The following SSBP2 variants were observed in gnomAD, a reference collection of about 807,000 sequenced individuals.
The protein encoded by SSBP2 is single-stranded DNA-binding protein 2.
A neutral mutation model predicts 61.8 loss-of-function variants in SSBP2; 17 were observed. The observed-to-expected ratio is 0.28, with a 90% CI of 0.19 to 0.41. The LOEUF (loss-of-function observed/expected upper bound fraction) is 0.41, where lower values mean the gene tolerates loss of function less well. Among genes scored for constraint, SSBP2 ranks in the 10% least tolerant of loss-of-function variants. The pLI is 1.00. For synonymous variants in SSBP2, 139 were observed against 141.3 expected (o/e 0.98, Z 0.12); for missense variants, 310 against 458.7 (o/e 0.68, Z 2.96).
chr5:81,657,433 A>T (rs1750323391), intron 1 of SSBP2, among the ~76,000 whole-genome samples: 1 of 152,254 alleles, frequency 6.6e-6, no homozygotes. Context: ...GCTAAAATTA[A>T]AACTCCCCAA....
At chr5:81,558,314 T>C (rs1319151025) in intron 4 of SSBP2, among the ~76,000 whole-genome samples, 1 of 152,210 alleles carries the variant, frequency 6.6e-6, no homozygotes, top group East Asian at 1.9e-4. Context: ...AAACATTTAT[T>C]TCTGTCAGTT....
rs529191300 is a variant in SSBP2 at position 81,590,650 on chromosome 5, T to C, written c.282+24823A>G. Among the ~76,000 whole-genome samples, 5 of 152,344 alleles carry C rather than the reference T, an allele frequency of 3.3e-5. 1 individual carries two copies. Among genetic ancestry groups the C allele is most frequent in the African/African-American group, 7.2e-5 (3 of 41,574 alleles). ...CTCACAAGGTGCTCACAAGAAAAAC[T>C]GTTGGACAACAAGAGACTGGAGAGC... On this transcript the variant is annotated intron_variant, in intron 4 of 16. Transcript: ENST00000320672.
At chr5:81,577,268 G>C (rs184739863) in intron 4 of SSBP2, among the ~76,000 whole-genome samples, 15 of 151,982 alleles carry the variant, frequency 9.9e-5, no homozygotes, top group Admixed American at 8.5e-4. Context: ...ATAAAAATCA[G>C]CTCTATATAA....
At chr5:81,620,300 T>C (rs1262845419) in intron 3 of SSBP2, among the ~76,000 whole-genome samples, 1 of 78,970 alleles carries the variant, frequency 1.3e-5, no homozygotes, top group Non-Finnish European at 2.4e-5. Flanking sequence ...AGCATTCTTA[T>C]ACACCAACAA....
chr5:81,541,244 A>C (rs1302141806), intron 4 of SSBP2, among the ~76,000 whole-genome samples: 1 of 152,236 alleles, frequency 6.6e-6, no homozygotes, highest in Non-Finnish European at 1.5e-5. Flanking sequence ...GGAGAACTAC[A>C]AAATACTGAT....
chr5:81,544,280 C>G (rs1174299887), intron 4 of SSBP2, among the ~76,000 whole-genome samples: 1 of 152,150 alleles, frequency 6.6e-6, no homozygotes, highest in Non-Finnish European at 1.5e-5. Context: ...AACTCCTGAC[C>G]TCGTGATCCG....
At chr5:81,583,265 A>G (rs188215147) in intron 4 of SSBP2, among the ~76,000 whole-genome samples, 1 of 152,280 alleles carries the variant, frequency 6.6e-6, no homozygotes, top group East Asian at 1.9e-4. Flanking sequence ...TATAGGAACT[A>G]TTCTGAAAAC....
rs117262340 is a variant in SSBP2 at position 81,479,543 on chromosome 5, C to A, written c.433-4981G>T. ...CTGACCTCAAGTGATCCACCCACCT[C>A]AGCTCCCCCAAACTGCTCGGATTAT... On this transcript the variant is annotated intron_variant, in intron 6 of 16. Transcript: ENST00000320672. Among the ~76,000 whole-genome samples, 238 of 152,086 alleles carry A rather than the reference C, an allele frequency of 1.6e-3. 8 individuals are homozygous for A. In the East Asian group the frequency reaches 0.043, roughly 28 times the overall value.
At chr5:81,603,499 A>G (rs1437976014) in intron 4 of SSBP2, among the ~76,000 whole-genome samples, 4 of 152,188 alleles carry the variant, frequency 2.6e-5, no homozygotes, top group Non-Finnish European at 5.9e-5. Flanking sequence ...ACCAGCCTAG[A>G]TTCAATAGAC....
intron 10 of SSBP2, among the ~76,000 whole-genome samples, chr5:81,457,036 C>G (rs1764212436): frequency 6.6e-6 from 1 of 152,092 alleles, no homozygotes; most frequent in African/African-American, 2.4e-5. Flanking sequence ...ACATATATTT[C>G]CTAGTTCTGT....
intron 4 of SSBP2, among the ~76,000 whole-genome samples, chr5:81,541,289 A>C (rs1043440412): frequency 6.6e-6 from 1 of 152,168 alleles, no homozygotes; most frequent in Non-Finnish European, 1.5e-5. Context: ...CAAATGTAAA[A>C]ACATCTCATG....
intron 1 of SSBP2, among the ~76,000 whole-genome samples, chr5:81,692,807 C>G (rs115646330): frequency 0.013 from 1,946 of 152,124 alleles, 36 homozygotes; most frequent in African/African-American, 0.045. Flanking sequence ...TATTTATATG[C>G]AGAAGAATGA....
chr5:81,464,894 C>T (rs1236464600), intron 9 of SSBP2, among the ~76,000 whole-genome samples: 1 of 151,928 alleles, frequency 6.6e-6, no homozygotes, highest in African/African-American at 2.4e-5. Context: ...AAAGATAATA[C>T]ATTATAAAGT....
chr5:81,578,782 AT>A (rs199691068), intron 4 of SSBP2, among the ~76,000 whole-genome samples: 14 of 149,542 alleles, frequency 9.4e-5, no homozygotes, highest in Middle Eastern at 3.4e-3. Flanking sequence ...AGATCTCTTC[AT>A]TTTTTTTTTC....
chr5:81,650,246 C>G, intron 2 of SSBP2, 21 bp downstream of exon 2: 1 of 1,504,490 alleles, frequency 6.6e-7, no homozygotes, highest in Admixed American at 2.0e-5. Flanking sequence ...AAATGCAATA[C>G]AGAAAATATA....
intron 6 of SSBP2, among the ~76,000 whole-genome samples, chr5:81,479,632 A>G (rs1048487733): frequency 2.6e-5 from 4 of 152,132 alleles, no homozygotes; most frequent in Admixed American, 1.3e-4. Context: ...GCAGAAAAAA[A>G]TAACACTAAT....
chr5:81,613,748 G>C lies in SSBP2; in HGVS notation c.282+1725C>G, dbSNP rs540145966. ...TGACTGACAGGCCAAATCAAGGCACGCATCTCTTAGTATAAGGAAAAGATG... is the reference window on the plus strand; with the variant it reads ...TGACTGACAGGCCAAATCAAGGCACCCATCTCTTAGTATAAGGAAAAGATG... On this transcript the variant is annotated intron_variant, in intron 4 of 16. Coordinates refer to ENST00000320672, the MANE Select transcript of SSBP2 (RefSeq NM_012446.5). Among the ~76,000 whole-genome samples, 6 of 152,218 alleles carry C rather than the reference G, an allele frequency of 3.9e-5. No individual in the cohort carries two copies. The South Asian group carries it at 1.2e-3, about 32-fold the overall frequency.
At chr5:81,614,479 C>T (rs1186957628) in intron 4 of SSBP2, among the ~76,000 whole-genome samples, 2 of 151,848 alleles carry the variant, frequency 1.3e-5, no homozygotes, top group East Asian at 1.9e-4. Flanking sequence ...TTCTTCTGGC[C>T]ATTTCTAACT....
intron 1 of SSBP2, among the ~76,000 whole-genome samples, chr5:81,727,492 T>G (rs368855495): frequency 7.1e-4 from 108 of 152,158 alleles, no homozygotes; most frequent in African/African-American, 2.6e-3. Flanking sequence ...GAGGTTGCAG[T>G]GAGCTGAGAT....
Sources: gnomAD v4.1 joint callset for allele counts (sites outside exome capture counted in the v4.1 genomes callset) on GRCh38, gnomAD v4.1.1 for gene constraint, MANE v1.5 for transcripts, NCBI Gene and HGNC (gene_info 2026-07-23, HGNC 2026-07-21) for gene names.